Variants in ASH1L observed in about 807,000 individuals in gnomAD.
ASH1L encodes the protein ASH1 like histone lysine methyltransferase.
Under a neutral mutation model 269.0 loss-of-function variants are expected in ASH1L, and 23 were observed. The observed-to-expected ratio is 0.09, with a 90% CI of 0.06 to 0.12. The LOEUF (loss-of-function observed/expected upper bound fraction) is 0.12, where lower values mean the gene tolerates loss of function less well. ASH1L is among the 10% of genes least tolerant of loss of function. The pLI is 1.00. For missense variants in ASH1L, 2,912 were observed against 3,567.8 expected (o/e 0.82, Z 4.68); for synonymous variants, 1,187 against 1,253.5 (o/e 0.95, Z 1.12).
chr1:155,410,397 G>A (rs576196888), intron 6 of ASH1L, among the ~76,000 whole-genome samples: 5 of 152,226 alleles, frequency 3.3e-5, no homozygotes, highest in African/African-American at 1.2e-4. Context: ...TCTGCCTCCG[G>A]AGGTCAAAGG....
intron 15 of ASH1L, among the ~76,000 whole-genome samples, chr1:155,354,945 G>A (rs1423656775): frequency 2.0e-5 from 3 of 152,146 alleles, no homozygotes; most frequent in Non-Finnish European, 2.9e-5. Context: ...TAGGGTCTCA[G>A]GATCAGCTAT....
rs950070373 is a variant in ASH1L, at chr1:155,357,348, T to C, written c.7023A>G (p.Gln2341=). Reference sequence around the variant, plus strand: ...GATTGGACATTGGCTTCATCTGTAATTGGGGGGTCAATCTAGTTGGGGTGT... The same window carrying C: ...GATTGGACATTGGCTTCATCTGTAACTGGGGGGTCAATCTAGTTGGGGTGT... ...NINTPTRLTP[Q]LQMKPMSNRE... Residue 2341 remains glutamine, a synonymous_variant, in exon 15 of 28, where the codon CAA becomes CAG. Coordinates refer to ENST00000392403, the MANE Select transcript of ASH1L (RefSeq NM_018489.3). 5.6e-6 allele frequency: 9 copies of C among 1,613,802 alleles called. No individual in the cohort carries two copies. The highest frequency in any genetic ancestry group is 2.2e-5 in the East Asian group (1 of 44,882).
At chr1:155,429,082 A>T (rs1232769033) in intron 5 of ASH1L, among the ~76,000 whole-genome samples, 2 of 152,200 alleles carry the variant, frequency 1.3e-5, no homozygotes, top group African/African-American at 4.8e-5. Context: ...TATTAAAAGC[A>T]GTTTTTTTGG....
At position 155,504,027 on chromosome 1, in the gene ASH1L, A is replaced by T. The variant is rs149199101; in HGVS notation, c.420+17073T>A. Among the ~76,000 whole-genome samples, 4 of 152,184 alleles carry T rather than the reference A, an allele frequency of 2.6e-5. No individual in the cohort carries two copies. In the East Asian group the frequency reaches 7.7e-4, roughly 29 times the overall value. Reference sequence around the variant, plus strand: ...TGGGAGCCACCATGTCCAGCCCATAACTCTTGACATAAGGCATCTGCTGGT... The same window carrying T: ...TGGGAGCCACCATGTCCAGCCCATATCTCTTGACATAAGGCATCTGCTGGT... On this transcript the variant is annotated intron_variant, in intron 2 of 27. Coordinates refer to ENST00000392403, the MANE Select transcript of ASH1L (RefSeq NM_018489.3).
chr1:155,458,210 C>A (rs1423812383), intron 4 of ASH1L, among the ~76,000 whole-genome samples: 1 of 152,210 alleles, frequency 6.6e-6, no homozygotes, highest in Non-Finnish European at 1.5e-5. Context: ...AAGCAGACAA[C>A]TGGACTAACA....
rs1005474964 is a variant in ASH1L at position 155,442,054 on chromosome 1, G to A, written c.5087-2986C>T. On this transcript the variant is annotated intron_variant, in intron 4 of 27. Transcript: ENST00000392403. Reference sequence around the variant, plus strand: ...AGTGTTGGGATTATAGGTATGAGCCGCCTGCCTGACCAAACAAGGAATATT... The same window carrying A: ...AGTGTTGGGATTATAGGTATGAGCCACCTGCCTGACCAAACAAGGAATATT... Among the ~76,000 whole-genome samples the A allele has an allele frequency of 7.2e-5, 11 of 151,914 alleles. No homozygotes were observed. In the East Asian group the frequency reaches 1.9e-3, roughly 27 times the overall value.
At position 155,455,011 on chromosome 1, in the gene ASH1L, C is replaced by T. The variant is rs183521162; in HGVS notation, c.5086+4786G>A. ...TATTTGTAAACCAGCTATAAAAAGACGAAATGATTCTGTGAAACACTATTG... is the reference window on the plus strand; with the variant it reads ...TATTTGTAAACCAGCTATAAAAAGATGAAATGATTCTGTGAAACACTATTG... On this transcript the variant is annotated intron_variant, in intron 4 of 27. Transcript: ENST00000392403. 1.5e-3 allele frequency among the ~76,000 whole-genome samples: 230 copies of T among 152,014 alleles called. 1 individual carries two copies. Among genetic ancestry groups the T allele is most frequent in the Non-Finnish European group, 2.4e-3 (166 of 67,980 alleles).
At chr1:155,500,951 G>A (rs1290559160) in intron 2 of ASH1L, among the ~76,000 whole-genome samples, 4 of 151,952 alleles carry the variant, frequency 2.6e-5, no homozygotes, top group Non-Finnish European at 4.4e-5. Flanking sequence ...CTGGGCGACA[G>A]AATGAGACTC....
chr1:155,523,894 G>A (rs115140444), intron 1 of ASH1L, among the ~76,000 whole-genome samples: 3,111 of 152,190 alleles, frequency 0.02, 103 homozygotes, highest in African/African-American at 0.072. Context: ...AGTAGTAGTA[G>A]GAGCAGCAGC....
intron 4 of ASH1L, among the ~76,000 whole-genome samples, chr1:155,441,371 T>TTG (rs1662548998): frequency 7.6e-6 from 1 of 132,090 alleles, no homozygotes; most frequent in African/African-American, 2.8e-5. Context: ...GCCCAAGCAA[T>TTG]GAGTTGGCAT....
intron 6 of ASH1L, among the ~76,000 whole-genome samples, chr1:155,411,582 AATAAAT>A (rs1461089025): frequency 0.033 from 1,592 of 48,290 alleles, 47 homozygotes; most frequent in Middle Eastern, 0.047. Flanking sequence ...TAAATAAATA[AATAAAT>A]ATATATATAT....
At chr1:155,435,735 C>T (rs1316649859) in intron 5 of ASH1L, among the ~76,000 whole-genome samples, 3 of 151,632 alleles carry the variant, frequency 2.0e-5, no homozygotes, top group East Asian at 3.9e-4. Context: ...AAATGATGAA[C>T]ATTAAATTGG....
chr1:155,479,013 T>C lies in ASH1L; in HGVS notation c.3857A>G (p.Asp1286Gly), dbSNP rs759593844. The stretch of plus-strand genomic sequence containing the variant: ...TAGTTCCTCCAGCTCTGCAATAAAG[T>C]CTGGATCCTGTCTATTTCGAAGCTG... ...YPQLRNRQDP[D>G]FIAELEELIS... The change falls in exon 3 of 28, where the codon GAC becomes GGC. Residue 1286 changes from aspartate (D) to glycine (G), a missense_variant. Coordinates refer to ENST00000392403, the MANE Select transcript of ASH1L (RefSeq NM_018489.3). The C allele has an allele frequency of 1.2e-6, 2 of 1,613,770 alleles. No homozygotes were observed. Among genetic ancestry groups the C allele is most frequent in the Non-Finnish European group, 1.7e-6 (2 of 1,180,006 alleles).
At chr1:155,468,228 ATTAT>A (rs1415979688) in intron 3 of ASH1L, among the ~76,000 whole-genome samples, 1 of 127,272 alleles carries the variant, frequency 7.9e-6, no homozygotes, top group Non-Finnish European at 1.6e-5. Context: ...TATTATTATT[ATTAT>A]TTTTTTTTTC....
intron 1 of ASH1L, among the ~76,000 whole-genome samples, chr1:155,522,559 C>A (rs971488738): frequency 1.4e-4 from 22 of 152,172 alleles, no homozygotes; most frequent in Admixed American, 3.3e-4. Flanking sequence ...TTAAAACTAG[C>A]GTGCTAATTT....
At chr1:155,516,570 A>G (rs6427277) in intron 2 of ASH1L, among the ~76,000 whole-genome samples, 8,920 of 152,074 alleles carry the variant, frequency 0.059, 892 homozygotes, top group African/African-American at 0.21. Flanking sequence ...AAGGAAGGAG[A>G]ATCATTGAGG....
At chr1:155,492,503 G>GT (rs988761629) in intron 2 of ASH1L, among the ~76,000 whole-genome samples, 1 of 151,962 alleles carries the variant, frequency 6.6e-6, no homozygotes, top group African/African-American at 2.4e-5. Flanking sequence ...ATTCCAAAAG[G>GT]TTTGCTCATT....
chr1:155,495,030 T>C (rs577975390), intron 2 of ASH1L, among the ~76,000 whole-genome samples: 11 of 152,258 alleles, frequency 7.2e-5, no homozygotes, highest in Admixed American at 4.6e-4. Flanking sequence ...ACAAGTCAAG[T>C]AGAAATGAGA....
At chr1:155,375,713 G>A (rs1372923244) in intron 10 of ASH1L, among the ~76,000 whole-genome samples, 1 of 151,964 alleles carries the variant, frequency 6.6e-6, no homozygotes, top group African/African-American at 2.4e-5. Flanking sequence ...CAGGAGAATC[G>A]CTTGAACCCG....
Sources: gnomAD v4.1 joint callset for allele counts (sites outside exome capture counted in the v4.1 genomes callset) on GRCh38, gnomAD v4.1.1 for gene constraint, MANE v1.5 for transcripts, NCBI Gene and HGNC (gene_info 2026-07-23, HGNC 2026-07-21) for gene names.